FOXP1: variants seen among roughly 807,000 people sequenced by gnomAD.
The protein encoded by FOXP1 is forkhead box protein P1.
Under a neutral mutation model 98.2 loss-of-function variants are expected in FOXP1, and 15 were observed. The ratio of observed to expected loss-of-function variants is 0.15; its 90% CI spans 0.10 to 0.24. FOXP1 has a LOEUF of 0.24. Among genes scored for constraint, FOXP1 ranks in the 10% least tolerant of loss-of-function variants. FOXP1 has a pLI of 1.00. For synonymous variants in FOXP1, 371 were observed against 314.5 expected (o/e 1.18, Z -1.90); for missense variants, 633 against 848.5 (o/e 0.75, Z 3.15).
At chr3:71,179,444 A>C (rs1250103101) in intron 6 of FOXP1, among the ~76,000 whole-genome samples, 1 of 152,148 alleles carries the variant, frequency 6.6e-6, no homozygotes, top group Non-Finnish European at 1.5e-5. Flanking sequence ...CTAAATATGG[A>C]ATTACCTGGC....
intron 6 of FOXP1, among the ~76,000 whole-genome samples, chr3:71,140,258 T>C (rs1013443031): frequency 1.3e-5 from 2 of 152,216 alleles, no homozygotes; most frequent in Non-Finnish European, 2.9e-5. Context: ...ATACACCTTA[T>C]ACACAAAGCC....
At chr3:71,380,657 A>C (rs1478610162) in intron 3 of FOXP1, among the ~76,000 whole-genome samples, 1 of 151,446 alleles carries the variant, frequency 6.6e-6, no homozygotes, top group Non-Finnish European at 1.5e-5. Flanking sequence ...ATTTTTTAAC[A>C]ATGAAGTTTC....
intron 7 of FOXP1, among the ~76,000 whole-genome samples, chr3:71,102,010 A>G (rs2057007408): frequency 6.6e-6 from 1 of 152,212 alleles, no homozygotes. Context: ...ACTTATGAAT[A>G]GAAGGCAGCA....
At chr3:71,064,026 C>T (rs929505300) in intron 7 of FOXP1, among the ~76,000 whole-genome samples, 2 of 152,276 alleles carry the variant, frequency 1.3e-5, no homozygotes, top group East Asian at 1.9e-4. Context: ...GCCGGTTCAG[C>T]TGGGAGTACC....
chr3:71,325,846 C>CA (rs900824249), intron 4 of FOXP1, among the ~76,000 whole-genome samples: 1 of 152,022 alleles, frequency 6.6e-6, no homozygotes, highest in Non-Finnish European at 1.5e-5. Context: ...ATATCTGGCT[C>CA]AAAATGGCAT....
intron 1 of FOXP1, chr3:71,582,341 C>T (rs1027967265): frequency 2.9e-5 from 28 of 967,296 alleles, no homozygotes; most frequent in Non-Finnish European, 3.3e-5. Flanking sequence ...TGACCGCGAC[C>T]CCGCGGCAAC....
At chr3:71,159,549 G>A (rs1263009136) in intron 6 of FOXP1, among the ~76,000 whole-genome samples, 1 of 152,164 alleles carries the variant, frequency 6.6e-6, no homozygotes, top group Non-Finnish European at 1.5e-5. Context: ...AGGGAGGCTG[G>A]CGAATTTCTC....
intron 4 of FOXP1, among the ~76,000 whole-genome samples, chr3:71,358,160 C>T (rs2078295362): frequency 6.6e-6 from 1 of 152,040 alleles, no homozygotes; most frequent in Admixed American, 6.6e-5. Context: ...TTTATTAAGG[C>T]CTATATTAAA....
At chr3:71,462,541 C>G (rs1248620635) in intron 3 of FOXP1, among the ~76,000 whole-genome samples, 1 of 152,182 alleles carries the variant, frequency 6.6e-6, no homozygotes, top group Non-Finnish European at 1.5e-5. Context: ...CGCCGTTCAA[C>G]TTTCTAAGAC....
At chr3:71,256,369 C>T (rs979247930) in intron 5 of FOXP1, among the ~76,000 whole-genome samples, 4 of 152,088 alleles carry the variant, frequency 2.6e-5, no homozygotes, top group Admixed American at 6.6e-5. Flanking sequence ...AATCCATTCT[C>T]ACTTCAATTT....
chr3:71,335,576 G>C (rs1418085351), intron 4 of FOXP1, among the ~76,000 whole-genome samples: 3 of 152,140 alleles, frequency 2.0e-5, no homozygotes, highest in Non-Finnish European at 4.4e-5. Flanking sequence ...GGAAATATCA[G>C]GATGAACTCA....
At chr3:71,008,082 G>C (rs1312403106) in intron 12 of FOXP1, among the ~76,000 whole-genome samples, 2 of 152,116 alleles carry the variant, frequency 1.3e-5, no homozygotes, top group Non-Finnish European at 2.9e-5. Context: ...ACTTTTAGTA[G>C]ACGTTATACA....
At chr3:71,268,022 A>T (rs1213382422) in intron 5 of FOXP1, among the ~76,000 whole-genome samples, 3 of 151,414 alleles carry the variant, frequency 2.0e-5, no homozygotes, top group Non-Finnish European at 4.4e-5. Flanking sequence ...CGTCTCAAAA[A>T]AAAAAAAAAA....
chr3:71,303,942 C>T (rs1316402963), intron 4 of FOXP1, among the ~76,000 whole-genome samples: 1 of 152,150 alleles, frequency 6.6e-6, no homozygotes, highest in African/African-American at 2.4e-5. Flanking sequence ...TTGGACGCTA[C>T]CCAGGCTTGC....
At chr3:71,080,840 A>G (rs952838400) in intron 7 of FOXP1, among the ~76,000 whole-genome samples, 6 of 152,216 alleles carry the variant, frequency 3.9e-5, no homozygotes, top group African/African-American at 1.4e-4. Context: ...TATCAAAGAA[A>G]GTCTTACCAT....
At chr3:71,328,287 T>G (rs1426574484) in intron 4 of FOXP1, among the ~76,000 whole-genome samples, 1 of 151,968 alleles carries the variant, frequency 6.6e-6, no homozygotes, top group South Asian at 2.1e-4. Flanking sequence ...AAAATAAAAA[T>G]TTAAAAATTA....
At chr3:71,541,962 C>T (rs759945524) in intron 2 of FOXP1, 4 of 532,282 alleles carry the variant, frequency 7.5e-6, no homozygotes, top group East Asian at 1.1e-4. Context: ...CATCACGCCG[C>T]GCGAGACAGA....
chr3:71,347,746 G>A (rs2077459527), intron 4 of FOXP1, among the ~76,000 whole-genome samples: 2 of 152,014 alleles, frequency 1.3e-5, no homozygotes, highest in South Asian at 2.1e-4. Context: ...TTAGCCAGGC[G>A]TGGTGACCCA....
intron 6 of FOXP1, among the ~76,000 whole-genome samples, chr3:71,131,883 TG>T (rs1270122998): frequency 6.6e-6 from 1 of 152,056 alleles, no homozygotes; most frequent in Non-Finnish European, 1.5e-5. Flanking sequence ...AAGACTAGGC[TG>T]GGGGAAAAAA....
Sources: allele counts gnomAD v4.1 joint callset (sites outside exome capture counted in the v4.1 genomes callset), GRCh38; gene constraint gnomAD v4.1.1; transcripts MANE v1.5; gene names NCBI Gene and HGNC (gene_info 2026-07-23, HGNC 2026-07-21).